SH3TC1: variants seen among roughly 807,000 people sequenced by gnomAD.
The protein encoded by SH3TC1 is SH3 domain and tetratricopeptide repeats 1, also known as SH3 domain and tetratricopeptide repeat-containing protein 1.
SH3TC1 carries 135 observed loss-of-function variants against 117.3 expected under a neutral mutation model. The observed-to-expected ratio is 1.15, with a 90% CI of 1.00 to 1.33. The LOEUF is 1.33. Ranked by LOEUF, SH3TC1 falls within the 40% of genes most tolerant of loss-of-function variation. The probability of loss-of-function intolerance (pLI) is 0.00; values close to 1 mark genes in which losing one functional copy is unlikely to be tolerated. For synonymous variants in SH3TC1, 898 were observed against 816.9 expected, an observed-to-expected ratio of 1.10 and a Z score of -1.69; for missense variants, 2,092 against 1,794.3, an observed-to-expected ratio of 1.17 and a Z score of -3.00.
At chr4:8,229,766 C>T (rs891216809) in intron 12 of SH3TC1, among the ~76,000 whole-genome samples, 5 of 152,054 alleles carry the variant, frequency 3.3e-5, no homozygotes, top group Non-Finnish European at 7.4e-5. Flanking sequence ...CAAGGAGACC[C>T]TCCAGAAACC....
Position 8,206,874 on chromosome 4 carries a change from T to C in SH3TC1, c.172+1508T>C, listed in dbSNP as rs1421684448. ...GTGTGTGTGTGTGTGTGTGTGATTTTCTTCTGATCCTTTTGGGAGTAAATT... is the reference window on the plus strand; with the variant it reads ...GTGTGTGTGTGTGTGTGTGTGATTTCCTTCTGATCCTTTTGGGAGTAAATT... On this transcript the variant is annotated intron_variant, in intron 2 of 17. Transcript: ENST00000245105. The surrounding 1 kb of genome is among the most constrained non-coding windows in gnomAD (Gnocchi z 5.5). Among the ~76,000 whole-genome samples the C allele has an allele frequency of 6.6e-6, 1 of 151,676 alleles. No homozygotes were observed. The highest frequency in any genetic ancestry group is 6.6e-5 in the Admixed American group (1 of 15,250).
chr4:8,212,814 GC>G lies in SH3TC1; in HGVS notation c.364del (p.Arg122AlafsTer22). ...RLLENDSREM[A>X]RVLGELSARL... is the part of the protein sequence containing the mutation. The stretch of plus-strand genomic sequence containing the variant: ...GCTGGAGAATGATAGCCGGGAGATG[GC>G]CCGCGTGCTTGGGGTGAGTAGCCCT... On this transcript the variant is annotated frameshift_variant, in exon 4 of 18. Coordinates refer to ENST00000245105, the MANE Select transcript of SH3TC1 (RefSeq NM_018986.5). LOFTEE classifies it high-confidence loss of function. 3 of 1,589,944 alleles carry G rather than the reference GC, an allele frequency of 1.9e-6. No individual in the cohort carries two copies. In the South Asian group the frequency reaches 3.4e-5, roughly 18 times the overall value.
intron 1 of SH3TC1, among the ~76,000 whole-genome samples, chr4:8,202,489 C>G (rs114230724): frequency 4.6e-5 from 7 of 152,232 alleles, no homozygotes; most frequent in Admixed American, 4.6e-4. Context: ...TGCCTCTTGG[C>G]GTCAGATGTC....
intron 14 of SH3TC1, 123 bp downstream of exon 14, chr4:8,233,636 TTCCATCCA>T (rs1441729462): frequency 9.2e-6 from 11 of 1,200,746 alleles, no homozygotes; most frequent in Non-Finnish European, 1.1e-5. Context: ...TCATCCTTCC[TTCCATCCA>T]TCCATCCTTC....
At position 8,183,862 on chromosome 4, in the gene SH3TC1, A is replaced by G. The variant is rs1717150927; in HGVS notation, c.-57+1652A>G. On this transcript the variant is annotated intron_variant, in intron 1 of 16. Coordinates refer to the SH3TC1 transcript ENST00000508641. The surrounding 1 kb of genome is among the most constrained non-coding windows in gnomAD (Gnocchi z 5.4). Reference sequence around the variant, plus strand: ...GATCCCACCCAGGACCCCACTTTGTATTTAGTCCTCCTATGCAAGTCCATG... The same window carrying G: ...GATCCCACCCAGGACCCCACTTTGTGTTTAGTCCTCCTATGCAAGTCCATG... Among the ~76,000 whole-genome samples the G allele has an allele frequency of 6.6e-6, 1 of 152,082 alleles. No homozygotes were observed. Among genetic ancestry groups the G allele is most frequent in the Non-Finnish European group, 1.5e-5 (1 of 68,010 alleles).
rs1053747718 is a variant in SH3TC1 at position 8,227,673 on chromosome 4, GCCTGCAGGCCGAGGCCCGGGCCTGCTT to G, written c.1985_2011del (p.Gln662_Leu670del). The G allele has an allele frequency of 2.0e-6, 3 of 1,537,018 alleles. No homozygotes were observed. The highest frequency in any genetic ancestry group is 2.0e-5 in the Admixed American group (1 of 49,880). ...CTGCGGCGGGCGGTGGGTGGCCAGA[GCCTGCAGGCCGAGGCCCGGGCCTGCTT>G]CCTGCTGGCCAGGCACCACGTGCAC... is the stretch of plus-strand genomic sequence containing the variant. On this transcript the variant is annotated inframe_deletion, in exon 12 of 18. Coordinates refer to ENST00000245105, the MANE Select transcript of SH3TC1 (RefSeq NM_018986.5).
chr4:8,215,496 G>C (rs973022218), intron 5 of SH3TC1, among the ~76,000 whole-genome samples: 3 of 151,988 alleles, frequency 2.0e-5, no homozygotes, highest in African/African-American at 7.3e-5. Context: ...TGGCCATTGT[G>C]GGGGGATGTC....
At chr4:8,222,464 C>G (rs1720026241) in intron 9 of SH3TC1, among the ~76,000 whole-genome samples, 1 of 146,878 alleles carries the variant, frequency 6.8e-6, no homozygotes, top group Non-Finnish European at 1.5e-5. Context: ...ACCTCTTCCT[C>G]CTCTGTTCAA....
chr4:8,207,196 T>C (rs1467869046), intron 2 of SH3TC1, among the ~76,000 whole-genome samples: 3 of 152,228 alleles, frequency 2.0e-5, no homozygotes, highest in African/African-American at 7.2e-5. Flanking sequence ...TTGGATCTTT[T>C]GTAGAATGTC....
In SH3TC1 at chr4:8,205,852, C is replaced by G. The variant is rs1718161371; in HGVS notation, c.172+486C>G. ...ATTCCCGGGAGACCTGAAGAGTGAC[C>G]TAGGTGATCTCCAGGATCCCCTCTT... is the stretch of plus-strand genomic sequence containing the variant. On this transcript the variant is annotated intron_variant, in intron 2 of 17. Transcript: ENST00000245105. The surrounding 1 kb of genome is among the most constrained non-coding windows in gnomAD (Gnocchi z 5.4). 1.9e-5 allele frequency: 11 copies of G among 586,746 alleles called. No individual in the cohort carries two copies. Among genetic ancestry groups the G allele is most frequent in the Non-Finnish European group, 2.7e-5 (9 of 329,066 alleles). 36.3% of individuals were successfully genotyped at this position (586,746 alleles called of 1,614,324 possible). A position where few individuals can be genotyped will look rare whatever the true frequency, so the allele number is the denominator to read the frequency against.
chr4:8,227,742 A>C lies in SH3TC1; in HGVS notation c.2048A>C (p.Glu683Ala). 1 of 1,605,410 alleles carries C rather than the reference A, an allele frequency of 6.2e-7. No individual in the cohort carries two copies. The highest frequency in any genetic ancestry group is 8.5e-7 in the Non-Finnish European group (1 of 1,174,934). The change falls in exon 12 of 18, where the codon GAG (glutamate) becomes GCG (alanine). Residue 683 changes from glutamate to alanine, a missense_variant. Transcript: ENST00000245105. ...CACGTGCACCTCAAGCAGCCCGAGGAGGCCCTGCCCTTCCTAGAGCGGCTG... is the reference window on the plus strand; with the variant it reads ...CACGTGCACCTCAAGCAGCCCGAGGCGGCCCTGCCCTTCCTAGAGCGGCTG... ...RHHVHLKQPE[E>A]ALPFLERLLL...
chr4:8,228,753 T>A, intron 12 of SH3TC1, 109 bp downstream of exon 12: 2 of 974,396 alleles, frequency 2.1e-6, no homozygotes, highest in African/African-American at 1.6e-5. Flanking sequence ...TCGAAAGTGC[T>A]GAGTCATGGC....
In SH3TC1 at chr4:8,183,423, C is replaced by G. The variant is rs1717136327; in HGVS notation, c.-57+1213C>G. Among the ~76,000 whole-genome samples the G allele has an allele frequency of 6.6e-6, 1 of 152,184 alleles. No individual in the cohort carries two copies. Among genetic ancestry groups the G allele is most frequent in the Non-Finnish European group, 1.5e-5 (1 of 68,018 alleles). On this transcript the variant is annotated intron_variant, in intron 1 of 16. Coordinates refer to the SH3TC1 transcript ENST00000508641. This position sits in a 1 kb window ranked among gnomAD's most constrained non-coding sequence, Gnocchi z 5.4. Reference sequence around the variant, plus strand: ...CTCTGTGATTAACTCACTCCCTGTACAGTAGAGGGAGGCGTGGCCCAGGGA... The same window carrying G: ...CTCTGTGATTAACTCACTCCCTGTAGAGTAGAGGGAGGCGTGGCCCAGGGA...
intron 6 of SH3TC1, 98 bp downstream of exon 6, chr4:8,216,355 G>C (rs1719272786): frequency 5.4e-6 from 8 of 1,489,736 alleles, no homozygotes; most frequent in Non-Finnish European, 7.2e-6. Context: ...AGCATGTCTG[G>C]GGCTGTGGGC....
At chr4:8,232,609 G>C in intron 13 of SH3TC1, 2 of 1,335,636 alleles carry the variant, frequency 1.5e-6, no homozygotes, top group Non-Finnish European at 2.0e-6. Flanking sequence ...CCCTGGGGCA[G>C]GGTTTCAAGG....
chr4:8,227,719 C>G lies in SH3TC1; in HGVS notation c.2025C>G (p.His675Gln). The G allele has an allele frequency of 1.3e-6, 2 of 1,583,296 alleles. No homozygotes were observed. The highest frequency in any genetic ancestry group is 1.7e-6 in the Non-Finnish European group (2 of 1,162,164). Residue 675 changes from histidine (H) to glutamine (Q), a missense_variant, in exon 12 of 18, where the codon CAC becomes CAG. By Grantham distance (24) the His-to-Gln change is conservative (BLOSUM62 0). Transcript: ENST00000245105. Reference sequence around the variant, plus strand: ...CCTGCTTCCTGCTGGCCAGGCACCACGTGCACCTCAAGCAGCCCGAGGAGG... The same window carrying G: ...CCTGCTTCCTGCTGGCCAGGCACCAGGTGCACCTCAAGCAGCCCGAGGAGG... Reference protein sequence around the residue: ...ARACFLLARHHVHLKQPEEAL... With the variant: ...ARACFLLARHQVHLKQPEEAL...
intron 1 of SH3TC1, among the ~76,000 whole-genome samples, chr4:8,184,257 C>T (rs1036368573): frequency 2.0e-5 from 3 of 152,218 alleles, no homozygotes; most frequent in South Asian, 2.1e-4. Context: ...AATCTGTAAC[C>T]GCCCACTCCA....
rs541668378 is a variant in SH3TC1 at position 8,209,017 on chromosome 4, T to G, written c.173-731T>G. On this transcript the variant is annotated intron_variant, in intron 2 of 17. Transcript: ENST00000245105. The surrounding 1 kb of genome is among the most constrained non-coding windows in gnomAD (Gnocchi z 5.9). ...AGTGCCCAGGCCAAGATGCAAACTC[T>G]GCAGGACCAATGGCCAGAGGGGTGA... Among the ~76,000 whole-genome samples, 1 of 152,326 alleles carries G rather than the reference T, an allele frequency of 6.6e-6. No homozygotes were observed. The highest frequency in any genetic ancestry group is 1.9e-4 in the East Asian group (1 of 5,174).
chr4:8,212,952 G>A (rs1038191351), intron 4 of SH3TC1, 124 bp downstream of exon 4: 17 of 1,325,062 alleles, frequency 1.3e-5, no homozygotes, highest in Middle Eastern at 2.7e-4. Flanking sequence ...AGCCACTCAG[G>A]ACAGTGGTGG....
Sources: gnomAD v4.1 joint callset for allele counts (sites outside exome capture counted in the v4.1 genomes callset) on GRCh38, gnomAD v4.1.1 for gene constraint, Gnocchi (gnomAD v3.1) non-coding constraint, MANE v1.5 for transcripts, NCBI Gene and HGNC (gene_info 2026-07-23, HGNC 2026-07-21) for gene names.